The following GYS2 variants were observed in gnomAD, a reference collection of about 807,000 sequenced individuals.
GYS2 encodes glycogen [starch] synthase, liver.
A neutral mutation model predicts 85.6 loss-of-function variants in GYS2; 80 were observed. The observed-to-expected ratio is 0.93, with a 90% CI of 0.78 to 1.13. The LOEUF is 1.13. Ranked by LOEUF, GYS2 falls within the 50% of genes most tolerant of loss-of-function variation. The pLI is 0.00. For missense variants in GYS2, 881 were observed against 854.9 expected (o/e 1.03, Z -0.38); for synonymous variants, 328 against 300.7 (o/e 1.09, Z -0.94).
Position 21,546,332 on chromosome 12 carries a change from C to T in GYS2, c.1549+12G>A, listed in dbSNP as rs748452245. 6 of 1,582,096 alleles carry T rather than the reference C, an allele frequency of 3.8e-6. No homozygotes were observed. The highest frequency in any genetic ancestry group is 2.2e-5 in the South Asian group (2 of 90,258). On this transcript the variant is annotated intron_variant, in intron 12 of 15. Transcript: ENST00000261195. ...AATTCAAAACATTCCACACTCTATA[C>T]ATGACACATACCTGGAGTATAACCC... is the stretch of plus-strand genomic sequence containing the variant.
intron 11 of GYS2, among the ~76,000 whole-genome samples, chr12:21,556,181 T>A (rs1944176812): frequency 6.6e-6 from 1 of 152,160 alleles, no homozygotes; most frequent in South Asian, 2.1e-4. Context: ...TTAATTTTTG[T>A]TTTTGTGTTT....
intron 8 of GYS2, 151 bp downstream of exon 8, chr12:21,560,235 T>C: frequency 1.5e-6 from 1 of 648,052 alleles, no homozygotes; most frequent in Admixed American, 2.4e-5. Context: ...TAACCTAAAA[T>C]AGTAGCACGA....
chr12:21,572,125 CAT>C (rs1231122169), intron 4 of GYS2, among the ~76,000 whole-genome samples: 8 of 152,060 alleles, frequency 5.3e-5, no homozygotes, highest in Non-Finnish European at 8.8e-5. Flanking sequence ...AATTTGGAGA[CAT>C]ATTCTCAGAA....
At chr12:21,598,299 T>C (rs879132667) in intron 1 of GYS2, among the ~76,000 whole-genome samples, 2 of 152,026 alleles carry the variant, frequency 1.3e-5, no homozygotes, top group Admixed American at 1.3e-4. Context: ...TGTAACAAAA[T>C]GTCACATGTA....
chr12:21,568,829 G>A (rs1042470372), intron 5 of GYS2, 36 bp downstream of exon 5: 3 of 1,584,276 alleles, frequency 1.9e-6, no homozygotes, highest in African/African-American at 2.7e-5. Flanking sequence ...ACATCATTCG[G>A]AACTGAAAGA....
chr12:21,563,405 G>GA, intron 5 of GYS2, 60 bp from the exon 6 acceptor site: 2 of 861,364 alleles, frequency 2.3e-6, no homozygotes, highest in South Asian at 1.3e-5. Flanking sequence ...TACCATTGTA[G>GA]AAAAAAGTAT....
chr12:21,560,644 C>T lies in GYS2; in HGVS notation c.1063-152G>A, dbSNP rs566283853. ...TTCACAGAGAGATTATATTCACCTT[C>T]CTGAGACTTTTTCAGAAATTTTAAT... is the stretch of plus-strand genomic sequence containing the variant. On this transcript the variant is annotated intron_variant, in intron 7 of 15. Transcript: ENST00000261195. 2,101 of 608,386 alleles carry T rather than the reference C, an allele frequency of 3.5e-3. 7 individuals are homozygous for T. Among genetic ancestry groups the T allele is most frequent in the Non-Finnish European group, 5.1e-3 (1,753 of 343,536 alleles). 37.7% of individuals were successfully genotyped at this position (608,386 alleles called of 1,614,324 possible).
At chr12:21,537,206 C>T (rs1008493607) in intron 15 of GYS2, 31 bp from the exon 16 acceptor site, 16 of 1,489,300 alleles carry the variant, frequency 1.1e-5, no homozygotes, top group Non-Finnish European at 1.5e-5. Flanking sequence ...ACATAAACAT[C>T]ACAACAGTTT....
At chr12:21,539,140 T>C in intron 15 of GYS2, 118 bp downstream of exon 15, 1 of 690,336 alleles carries the variant, frequency 1.4e-6, no homozygotes, top group Non-Finnish European at 2.6e-6. Flanking sequence ...TTTGGTTTGA[T>C]TCAACATTAT....
chr12:21,552,212 CTT>C (rs1167258540), intron 11 of GYS2, among the ~76,000 whole-genome samples: 2 of 152,168 alleles, frequency 1.3e-5, no homozygotes, highest in African/African-American at 4.8e-5. Flanking sequence ...TTGTCTGACT[CTT>C]TATTTATTCC....
chr12:21,547,079 G>T (rs1314104684), intron 11 of GYS2, among the ~76,000 whole-genome samples: 1 of 152,116 alleles, frequency 6.6e-6, no homozygotes, highest in East Asian at 1.9e-4. Context: ...AACACAACTA[G>T]ATTGATCCTT....
intron 2 of GYS2, among the ~76,000 whole-genome samples, chr12:21,577,728 G>C (rs1007937754): frequency 3.3e-5 from 5 of 152,130 alleles, no homozygotes; most frequent in African/African-American, 1.2e-4. Context: ...AGCATCTCAA[G>C]TGAAGACTTT....
At chr12:21,563,471 A>G in intron 5 of GYS2, 126 bp from the exon 6 acceptor site, 1 of 626,582 alleles carries the variant, frequency 1.6e-6, no homozygotes, top group Non-Finnish European at 2.8e-6. Context: ...ACTACCATAA[A>G]ATTTAAAATT....
chr12:21,569,634 G>T (rs899113684), intron 4 of GYS2, among the ~76,000 whole-genome samples: 1 of 152,088 alleles, frequency 6.6e-6, no homozygotes, highest in Non-Finnish European at 1.5e-5. Flanking sequence ...TAAATAACTG[G>T]CAACAGTGTG....
chr12:21,546,559 A>G, intron 11 of GYS2, 89 bp from the exon 12 acceptor site: 1 of 753,038 alleles, frequency 1.3e-6, no homozygotes, highest in Admixed American at 2.6e-5. Context: ...TCAGTACTCT[A>G]CTATAGAATC....
At chr12:21,566,762 T>C (rs1437107518) in intron 5 of GYS2, among the ~76,000 whole-genome samples, 2 of 152,200 alleles carry the variant, frequency 1.3e-5, no homozygotes, top group Non-Finnish European at 2.9e-5. Flanking sequence ...TAAGTAACTT[T>C]TATAATGTCA....
intron 12 of GYS2, among the ~76,000 whole-genome samples, chr12:21,545,235 C>G (rs558695710): frequency 2.6e-5 from 4 of 152,302 alleles, no homozygotes; most frequent in South Asian, 2.1e-4. Context: ...TTGAGGCCAA[C>G]AGTTTGAGAC....
intron 11 of GYS2, among the ~76,000 whole-genome samples, chr12:21,552,887 G>T (rs1421492633): frequency 1.3e-5 from 2 of 152,078 alleles, no homozygotes; most frequent in African/African-American, 2.4e-5. Context: ...ACCAAATCCT[G>T]CAGGAGAAGA....
Position 21,563,002 on chromosome 12 carries a change from A to G in GYS2, c.978T>C (p.Leu326=). ...LDFDLEKTLF[L]FIAGRYEFSN... ...AAAACTCATACCTCCCAGCAATGAAAAGGAACAAAGTCTTTTCAAGATCAA... is the reference window on the plus strand; with the variant it reads ...AAAACTCATACCTCCCAGCAATGAAGAGGAACAAAGTCTTTTCAAGATCAA... Residue 326 remains leucine, a synonymous_variant, in exon 7 of 16, where the codon CTT becomes CTC. Coordinates refer to ENST00000261195, the MANE Select transcript of GYS2 (RefSeq NM_021957.4). 1 of 1,613,398 alleles carries G rather than the reference A, an allele frequency of 6.2e-7. No individual in the cohort carries two copies. The highest frequency in any genetic ancestry group is 1.3e-5 in the African/African-American group (1 of 75,040).
Sources: allele counts gnomAD v4.1 joint callset (sites outside exome capture counted in the v4.1 genomes callset), GRCh38; gene constraint gnomAD v4.1.1; transcripts MANE v1.5; gene names NCBI Gene and HGNC (gene_info 2026-07-23, HGNC 2026-07-21).